The following NEK6 variants were observed in gnomAD, a reference collection of about 807,000 sequenced individuals.
The protein encoded by NEK6 is NIMA related kinase 6, also known as serine/threonine-protein kinase Nek6.
A neutral mutation model predicts 43.5 loss-of-function variants in NEK6; 27 were observed. That is an observed-to-expected ratio of 0.62 (90% confidence interval 0.46 to 0.86). NEK6 has a LOEUF of 0.86. Among genes scored for constraint, NEK6 ranks in the 40% least tolerant of loss-of-function variants. The probability of loss-of-function intolerance (pLI) is 0.00; values close to 1 mark genes in which losing one functional copy is unlikely to be tolerated. For synonymous variants in NEK6, 167 were observed against 164.1 expected (o/e 1.02, Z -0.14); for missense variants, 318 against 414.4 (o/e 0.77, Z 2.02).
Position 124,347,596 on chromosome 9 carries a change from C to T in NEK6, c.718-113C>T, listed in dbSNP as rs530200187. 3.1e-4 allele frequency: 185 copies of T among 603,614 alleles called. No individual in the cohort carries two copies. The African/African-American group carries it at 3.1e-3, about 10-fold the overall frequency. 37.4% of individuals were successfully genotyped at this position (603,614 alleles called of 1,614,324 possible). On this transcript the variant is annotated intron_variant, in intron 8 of 9. Transcript: ENST00000320246. ...GGGAGAAGTCCTGCTGGACTCGCCG[C>T]GGTCGGGACCAGAGAGAACCCATGC...
At chr9:124,260,278 G>A (rs1385334878) in intron 1 of NEK6, among the ~76,000 whole-genome samples, 1 of 152,148 alleles carries the variant, frequency 6.6e-6, no homozygotes, top group Non-Finnish European at 1.5e-5. Context: ...TCTGCTCATC[G>A]TAGATAGGGT....
At chr9:124,270,079 C>A (rs528060746) in intron 1 of NEK6, among the ~76,000 whole-genome samples, 1 of 152,130 alleles carries the variant, frequency 6.6e-6, no homozygotes. Context: ...GCCCCCCCCC[C>A]ATGCTGTCTG....
At chr9:124,337,655 G>T (rs903505705) in intron 7 of NEK6, among the ~76,000 whole-genome samples, 1 of 152,200 alleles carries the variant, frequency 6.6e-6, no homozygotes, top group African/African-American at 2.4e-5. Context: ...TTTATCAATT[G>T]ATCCAACATT....
At position 124,275,985 on chromosome 9, in the gene NEK6, G is replaced by A. The variant is rs541293397; in HGVS notation, c.-30+17900G>A. ...ACGACAGTTAGGTTTGATCCTGCGG[G>A]AGGTGGGTGTTTGGAAAGGTTTTGA... On this transcript the variant is annotated intron_variant, in intron 1 of 9. Coordinates refer to ENST00000320246, the MANE Select transcript of NEK6 (RefSeq NM_014397.6). This position sits in a 1 kb window ranked among gnomAD's most constrained non-coding sequence, Gnocchi z 4.4. Among the ~76,000 whole-genome samples, 5 of 152,204 alleles carry A rather than the reference G, an allele frequency of 3.3e-5. No individual in the cohort carries two copies. Among genetic ancestry groups the A allele is most frequent in the Non-Finnish European group, 7.3e-5 (5 of 68,038 alleles).
intron 1 of NEK6, among the ~76,000 whole-genome samples, chr9:124,268,114 G>A (rs1023000284): frequency 7.9e-5 from 12 of 152,190 alleles, no homozygotes; most frequent in African/African-American, 2.9e-4. Flanking sequence ...TATGGTCACT[G>A]TGATGTGCTA....
chr9:124,274,088 C>T (rs905836325), intron 1 of NEK6, among the ~76,000 whole-genome samples: 4 of 152,156 alleles, frequency 2.6e-5, no homozygotes, highest in African/African-American at 4.8e-5. Context: ...CAGGATTGGC[C>T]GCCAGGCAGT....
At chr9:124,314,096 C>T in intron 4 of NEK6, 111 bp downstream of exon 4, 1 of 951,512 alleles carries the variant, frequency 1.1e-6, no homozygotes. Context: ...TCCGCAGCCC[C>T]TGCTAAGTTA....
intron 1 of NEK6, among the ~76,000 whole-genome samples, chr9:124,282,376 G>A (rs575125283): frequency 2.0e-5 from 3 of 152,292 alleles, no homozygotes; most frequent in Admixed American, 6.5e-5. Flanking sequence ...AAAGACACCC[G>A]TCATTGAATT....
At chr9:124,338,794 T>C (rs1829419312) in intron 7 of NEK6, among the ~76,000 whole-genome samples, 1 of 152,176 alleles carries the variant, frequency 6.6e-6, no homozygotes, top group African/African-American at 2.4e-5. Context: ...TACTGCCTCA[T>C]AGCACTGTTG....
At chr9:124,314,789 T>A (rs1259853557) in intron 4 of NEK6, among the ~76,000 whole-genome samples, 1 of 152,134 alleles carries the variant, frequency 6.6e-6, no homozygotes, top group East Asian at 1.9e-4. Context: ...TGTCTCAGTC[T>A]CCTGGGATTA....
chr9:124,322,507 G>C (rs1015864671), intron 5 of NEK6, among the ~76,000 whole-genome samples: 1 of 152,182 alleles, frequency 6.6e-6, no homozygotes, highest in African/African-American at 2.4e-5. Context: ...AGCTCAGAGA[G>C]GTCTAGTCTC....
chr9:124,262,362 G>A (rs1443497999), intron 1 of NEK6, among the ~76,000 whole-genome samples: 2 of 152,248 alleles, frequency 1.3e-5, no homozygotes, highest in Non-Finnish European at 2.9e-5. Flanking sequence ...CAAATCAGTT[G>A]GTGGTGTAAT....
rs1045800424 is a variant in NEK6 at position 124,324,576 on chromosome 9, A to G, written c.406-1754A>G. 6.6e-6 allele frequency among the ~76,000 whole-genome samples: 1 copy of G among 152,162 alleles called. No individual in the cohort carries two copies. Among genetic ancestry groups the G allele is most frequent in the African/African-American group, 2.4e-5 (1 of 41,434 alleles). ...ACGCGCGTCCCTGCTTAAATGCTGTAATGAGGATTCACTCACATCACAGCG... is the reference window on the plus strand; with the variant it reads ...ACGCGCGTCCCTGCTTAAATGCTGTGATGAGGATTCACTCACATCACAGCG... On this transcript the variant is annotated intron_variant, in intron 5 of 9. Coordinates refer to ENST00000320246, the MANE Select transcript of NEK6 (RefSeq NM_014397.6). The surrounding 1 kb of genome is among the most constrained non-coding windows in gnomAD (Gnocchi z 5.3).
intron 1 of NEK6, among the ~76,000 whole-genome samples, chr9:124,280,218 G>A (rs1378872816): frequency 1.3e-5 from 2 of 152,278 alleles, no homozygotes; most frequent in Non-Finnish European, 2.9e-5. Context: ...CAGAAAAAGT[G>A]TGTCCTGTGA....
chr9:124,296,033 A>G (rs1258660150), intron 1 of NEK6, among the ~76,000 whole-genome samples: 2 of 152,258 alleles, frequency 1.3e-5, no homozygotes, highest in Admixed American at 6.5e-5. Flanking sequence ...TGACCCAGCC[A>G]GTGGCCAGTG....
intron 1 of NEK6, among the ~76,000 whole-genome samples, chr9:124,293,841 A>C (rs1251834063): frequency 4.6e-5 from 7 of 152,254 alleles, no homozygotes; most frequent in Admixed American, 3.9e-4. Context: ...GGAGGCAGAC[A>C]TGCTGACAAA....
At chr9:124,321,047 G>A (rs1225449917) in intron 4 of NEK6, among the ~76,000 whole-genome samples, 1 of 152,258 alleles carries the variant, frequency 6.6e-6, no homozygotes, top group African/African-American at 2.4e-5. Flanking sequence ...GGCCGTGTCT[G>A]GGCACAGGGA....
chr9:124,323,681 T>A (rs1834187385), intron 5 of NEK6, among the ~76,000 whole-genome samples: 1 of 151,978 alleles, frequency 6.6e-6, no homozygotes, highest in Admixed American at 6.6e-5. Flanking sequence ...AAATCCCTCT[T>A]CCCTGAACCT....
In NEK6 at chr9:124,287,705, A is replaced by G. The variant is rs139953876; in HGVS notation, c.-29-14231A>G. ...CTGGGTGTAGTGGCATGCAGGTATAACCCTGGATACTTGGGAGGGTGAGGC... is the reference window on the plus strand; with the variant it reads ...CTGGGTGTAGTGGCATGCAGGTATAGCCCTGGATACTTGGGAGGGTGAGGC... On this transcript the variant is annotated intron_variant, in intron 1 of 9. Coordinates refer to ENST00000320246, the MANE Select transcript of NEK6 (RefSeq NM_014397.6). Among the ~76,000 whole-genome samples the G allele has an allele frequency of 2.6e-5, 4 of 152,206 alleles. No individual in the cohort carries two copies. In the East Asian group the frequency reaches 7.7e-4, roughly 29 times the overall value.
Sources: allele counts gnomAD v4.1 joint callset (sites outside exome capture counted in the v4.1 genomes callset), GRCh38; gene constraint gnomAD v4.1.1; non-coding constraint Gnocchi (gnomAD v3.1); transcripts MANE v1.5; gene names NCBI Gene and HGNC (gene_info 2026-07-23, HGNC 2026-07-21).